The following QSOX1 variants were observed in gnomAD, a reference collection of about 807,000 sequenced individuals.
The protein encoded by QSOX1 is quiescin sulfhydryl oxidase 1.
QSOX1 carries 40 observed loss-of-function variants against 76.1 expected under a neutral mutation model. The ratio of observed to expected loss-of-function variants is 0.53; its 90% CI spans 0.41 to 0.68. The LOEUF (loss-of-function observed/expected upper bound fraction) is 0.68, where lower values mean the gene tolerates loss of function less well. QSOX1 is among the 30% of genes least tolerant of loss of function. The probability of loss-of-function intolerance (pLI) is 0.00; values close to 1 mark genes in which losing one functional copy is unlikely to be tolerated. For missense variants in QSOX1, 931 were observed against 974.3 expected, an observed-to-expected ratio of 0.96 and a Z score of 0.59; for synonymous variants, 392 against 413.1, an observed-to-expected ratio of 0.95 and a Z score of 0.62.
rs1468204546 is a variant in QSOX1 at position 180,196,109 on chromosome 1, G to A, written c.1469-153G>A. On this transcript the variant is annotated intron_variant, in intron 11 of 11. Transcript: ENST00000367602. The surrounding 1 kb of genome is among the most constrained non-coding windows in gnomAD (Gnocchi z 4.1). ...GAGCTCCCACTGTGGGCTAGTGTTT[G>A]TAATCTGTATTTTCTAATTACCCAT... 6.6e-6 allele frequency among the ~76,000 whole-genome samples: 1 copy of A among 152,184 alleles called. No homozygotes were observed. Among genetic ancestry groups the A allele is most frequent in the African/African-American group, 2.4e-5 (1 of 41,448 alleles).
chr1:180,172,122 G>C (rs1044964556), intron 2 of QSOX1, among the ~76,000 whole-genome samples: 2 of 152,162 alleles, frequency 1.3e-5, no homozygotes, highest in East Asian at 3.9e-4. Flanking sequence ...GCGGTTACTC[G>C]AGAAGGAAGG....
In QSOX1 at chr1:180,197,734, T is replaced by TAAG. The variant is rs1329631024; in HGVS notation, c.*698_*699insAGA. 3.4e-6 allele frequency: 1 copy of TAAG among 297,672 alleles called. No individual in the cohort carries two copies. Among genetic ancestry groups the TAAG allele is most frequent in the African/African-American group, 2.2e-5 (1 of 46,208 alleles). 18.4% of individuals were successfully genotyped at this position (297,672 alleles called of 1,614,324 possible). A position where few individuals can be genotyped will look rare whatever the true frequency, so the allele number is the denominator to read the frequency against. ...GTGGCATGGGAAGGATGTGGGTCTCTAGTGCCTTGCCCTGGCTTAGCTGCA... is the reference window on the plus strand; with the variant it reads ...GTGGCATGGGAAGGATGTGGGTCTCTAAGAGTGCCTTGCCCTGGCTTAGCTGCA... On this transcript the variant is annotated 3_prime_UTR_variant, in exon 12 of 12. Coordinates refer to ENST00000367602, the MANE Select transcript of QSOX1 (RefSeq NM_002826.5).
At chr1:180,175,414 C>T (rs781475156) in intron 3 of QSOX1, 48 bp downstream of exon 3, 35 of 1,586,306 alleles carry the variant, frequency 2.2e-5, no homozygotes, top group Admixed American at 1.2e-4. Context: ...CTCCCCCAAC[C>T]TCCCTCTTCA....
chr1:180,198,971 T>G lies in QSOX1; in HGVS notation c.*1934T>G, dbSNP rs1663572720. On this transcript the variant is annotated 3_prime_UTR_variant, in exon 12 of 12. Transcript: ENST00000367602. Reference sequence around the variant, plus strand: ...CTGTCAGCAAGCCCTGTGGCTCCAGTGACGGTATTTCTAAAGCCAAACTTA... The same window carrying G: ...CTGTCAGCAAGCCCTGTGGCTCCAGGGACGGTATTTCTAAAGCCAAACTTA... The G allele has an allele frequency of 1.3e-5, 2 of 158,718 alleles. No homozygotes were observed. The highest frequency in any genetic ancestry group is 1.2e-4 in the Admixed American group (2 of 16,992). 9.8% of individuals were successfully genotyped at this position (158,718 alleles called of 1,614,324 possible).
At chr1:180,179,597 A>G (rs12075137) in intron 5 of QSOX1, among the ~76,000 whole-genome samples, 25,158 of 152,228 alleles carry the variant, frequency 0.17, 2,120 homozygotes, top group Middle Eastern at 0.22. Flanking sequence ...CCATTCTGCC[A>G]TTGGTTCATG....
At chr1:180,188,842 C>T (rs1326703258) in intron 8 of QSOX1, among the ~76,000 whole-genome samples, 1 of 152,260 alleles carries the variant, frequency 6.6e-6, no homozygotes, top group Admixed American at 6.5e-5. Context: ...CTCCTGCCCT[C>T]CGCCCCTTGT....
intron 10 of QSOX1, among the ~76,000 whole-genome samples, chr1:180,191,824 C>T (rs1005032619): frequency 2.0e-5 from 3 of 152,174 alleles, no homozygotes; most frequent in African/African-American, 7.2e-5. Flanking sequence ...TTGGGCTGCA[C>T]TCACAAATGT....
Position 180,189,565 on chromosome 1 carries a change from G to A in QSOX1, c.1031G>A (p.Arg344Gln), listed in dbSNP as rs760649166. The change falls in exon 9 of 12, where the codon CGG becomes CAG. Residue 344 changes from arginine (R) to glutamine (Q), a missense_variant. By Grantham distance (43) the Arg-to-Gln change is conservative. Coordinates refer to ENST00000367602, the MANE Select transcript of QSOX1 (RefSeq NM_002826.5). ...TCCTCCCCACAGTATTTCCCTGGCC[G>A]GCCCTTAGTCCAGAACTTCCTGCAC... The part of the protein sequence containing the change: ...VAVLAKYFPG[R>Q]PLVQNFLHSV... The A allele has an allele frequency of 3.1e-6, 5 of 1,610,218 alleles. No individual in the cohort carries two copies. Among genetic ancestry groups the A allele is most frequent in the Non-Finnish European group, 3.4e-6 (4 of 1,177,684 alleles).
At chr1:180,188,021 G>A (rs1366520509) in intron 8 of QSOX1, among the ~76,000 whole-genome samples, 1 of 152,206 alleles carries the variant, frequency 6.6e-6, no homozygotes, top group Admixed American at 6.5e-5. Flanking sequence ...GTTTCTCAGA[G>A]AAGATTCCAC....
chr1:180,177,837 C>T (rs937846930), intron 4 of QSOX1, among the ~76,000 whole-genome samples: 5 of 151,684 alleles, frequency 3.3e-5, no homozygotes, highest in Non-Finnish European at 7.4e-5. Context: ...TGGCTGGGCT[C>T]CAGCATCAAT....
rs1558187979 is a variant in QSOX1, at chr1:180,177,249, C to CT, written c.515+1216_515+1217insT. ...TCCTGCCAAGGTCTCTCAAAGTGAT[C>CT]CTTTTTTTTTTTTTTTTTTGGAAGA... On this transcript the variant is annotated intron_variant, in intron 4 of 11. Transcript: ENST00000367602. 7.8e-4 allele frequency among the ~76,000 whole-genome samples: 59 copies of CT among 75,496 alleles called. 1 individual carries two copies. In the East Asian group the frequency reaches 9.4e-3, roughly 12 times the overall value. 49.5% of individuals were successfully genotyped at this position (75,496 alleles called of 152,430 possible). A position where few individuals can be genotyped will look rare whatever the true frequency, so the allele number is the denominator to read the frequency against.
In QSOX1 at chr1:180,154,907, G is replaced by A. The variant is rs1299150414; in HGVS notation, c.-1G>A. On this transcript the variant is annotated 5_prime_UTR_variant, in exon 1 of 12. Coordinates refer to ENST00000367602, the MANE Select transcript of QSOX1 (RefSeq NM_002826.5). ...GTGTGGTGGTGAGCGCAGCGCCGAGGATGAGGAGGTGCAACAGCGGCTCCG... is the reference window on the plus strand; with the variant it reads ...GTGTGGTGGTGAGCGCAGCGCCGAGAATGAGGAGGTGCAACAGCGGCTCCG... 4.1e-6 allele frequency: 6 copies of A among 1,446,290 alleles called. No homozygotes were observed. Among genetic ancestry groups the A allele is most frequent in the African/African-American group, 3.0e-5 (2 of 67,230 alleles). The allele number at this position is 1,446,290 out of a possible 1,614,324, so 89.6% of individuals were successfully genotyped here.
At chr1:180,182,399 C>T (rs1448059027) in intron 6 of QSOX1, 80 bp downstream of exon 6, 2 of 1,552,282 alleles carry the variant, frequency 1.3e-6, no homozygotes, top group Non-Finnish European at 1.8e-6. Flanking sequence ...GGCTGCCCGC[C>T]TTTCACAGTG....
At chr1:180,178,447 C>T (rs548770608) in intron 4 of QSOX1, among the ~76,000 whole-genome samples, 4 of 152,194 alleles carry the variant, frequency 2.6e-5, no homozygotes, top group Non-Finnish European at 4.4e-5. Flanking sequence ...AGGCTGGTCT[C>T]GAACTCCAGA....
Position 180,196,263 on chromosome 1 carries a change from T to C in QSOX1, c.1470T>C (p.Gly490=), listed in dbSNP as rs1430972633. 1.2e-6 allele frequency: 2 copies of C among 1,608,678 alleles called. No homozygotes were observed. The highest frequency in any genetic ancestry group is 2.2e-5 in the South Asian group (2 of 90,758). ...SHNRVNARLA[G]APSEDPQFPK... ...GCCTGTGTATGCTTCCCTCTGTAGG[T>C]GCCCCCAGCGAGGACCCCCAGTTCC... Residue 490 remains glycine (G), a splice_region_variant and synonymous_variant, in exon 12 of 12, where the codon GGT becomes GGC. Coordinates refer to ENST00000367602, the MANE Select transcript of QSOX1 (RefSeq NM_002826.5). The surrounding 1 kb of genome is among the most constrained non-coding windows in gnomAD (Gnocchi z 4.1).
At chr1:180,170,206 C>T (rs893433148) in intron 2 of QSOX1, among the ~76,000 whole-genome samples, 1 of 152,102 alleles carries the variant, frequency 6.6e-6, no homozygotes, top group African/African-American at 2.4e-5. Flanking sequence ...GTGGCTTTTG[C>T]TAGAAGGTGA....
intron 4 of QSOX1, among the ~76,000 whole-genome samples, chr1:180,178,417 G>A (rs997539967): frequency 1.3e-5 from 2 of 152,158 alleles, no homozygotes; most frequent in African/African-American, 4.8e-5. Context: ...TAGTAGAGAC[G>A]GGCTTTCACC....
intron 2 of QSOX1, among the ~76,000 whole-genome samples, chr1:180,170,552 A>G (rs1662735881): frequency 6.6e-6 from 1 of 152,074 alleles, no homozygotes; most frequent in African/African-American, 2.4e-5. Flanking sequence ...GTTTTCTGCC[A>G]TTAGGGAGCA....
intron 11 of QSOX1, among the ~76,000 whole-genome samples, chr1:180,194,974 G>A (rs957911522): frequency 9.5e-5 from 14 of 147,728 alleles, no homozygotes; most frequent in African/African-American, 3.2e-4. Flanking sequence ...AGGGAGCGGT[G>A]CACGTGGCTG....
Sources: allele counts gnomAD v4.1 joint callset (sites outside exome capture counted in the v4.1 genomes callset), GRCh38; gene constraint gnomAD v4.1.1; non-coding constraint Gnocchi (gnomAD v3.1); transcripts MANE v1.5; gene names NCBI Gene and HGNC (gene_info 2026-07-23, HGNC 2026-07-21).